The following GYS2 variants were observed in gnomAD, a reference collection of about 807,000 sequenced individuals.
GYS2 encodes the protein glycogen synthase 2.
Under a neutral mutation model 85.6 loss-of-function variants are expected in GYS2, and 80 were observed. The ratio of observed to expected loss-of-function variants is 0.93; its 90% CI spans 0.78 to 1.13. GYS2 has a LOEUF of 1.13. GYS2 is among the 50% of genes most tolerant of loss of function. GYS2 has a pLI of 0.00. For synonymous variants in GYS2, 328 were observed against 300.7 expected, an observed-to-expected ratio of 1.09 and a Z score of -0.94; for missense variants, 881 against 854.9, an observed-to-expected ratio of 1.03 and a Z score of -0.38.
rs762069552 is a variant in GYS2 at position 21,580,448 on chromosome 12, A to G, written c.197T>C (p.Ile66Thr). Residue 66 changes from isoleucine to threonine, a missense_variant, in exon 2 of 16, where the codon ATA (isoleucine) becomes ACA (threonine). Coordinates refer to ENST00000261195, the MANE Select transcript of GYS2 (RefSeq NM_021957.4). ...ADEWGENYFL[I>T]GPYFEHNMKT... ...CATATTATGCTCAAAATATGGACCT[A>G]TCAGAAAATAGTTCTCTCCCCATTC... The G allele has an allele frequency of 1.2e-6, 2 of 1,613,594 alleles. No individual in the cohort carries two copies. Among genetic ancestry groups the G allele is most frequent in the Non-Finnish European group, 1.7e-6 (2 of 1,179,568 alleles).
intron 11 of GYS2, among the ~76,000 whole-genome samples, chr12:21,551,863 G>A (rs1288777021): frequency 6.6e-6 from 1 of 152,138 alleles, no homozygotes; most frequent in African/African-American, 2.4e-5. Flanking sequence ...ACAAGAAAGG[G>A]GGATTTGAAA....
At chr12:21,539,403 T>C in intron 14 of GYS2, 65 bp from the exon 15 acceptor site, 2 of 864,592 alleles carry the variant, frequency 2.3e-6, no homozygotes, top group Non-Finnish European at 4.0e-6. Flanking sequence ...ATCAAGTTAT[T>C]AAATAAGGCC....
chr12:21,583,967 G>A (rs928641124), intron 1 of GYS2, among the ~76,000 whole-genome samples: 1 of 152,194 alleles, frequency 6.6e-6, no homozygotes, highest in Admixed American at 6.5e-5. Flanking sequence ...AGACTGCACC[G>A]ATGGTCTCAT....
At chr12:21,560,531 G>A in intron 7 of GYS2, 39 bp from the exon 8 acceptor site, 1 of 968,974 alleles carries the variant, frequency 1.0e-6, no homozygotes, top group Non-Finnish European at 1.7e-6. Flanking sequence ...AACTATCAAA[G>A]ATTTTTAAAA....
Position 21,568,926 on chromosome 12 carries a change from C to CACGT in GYS2, c.758_761dup (p.Phe255ArgfsTer7). 6.2e-7 allele frequency: 1 copy of CACGT among 1,613,418 alleles called. No homozygotes were observed. Among genetic ancestry groups the CACGT allele is most frequent in the Non-Finnish European group, 8.5e-7 (1 of 1,179,316 alleles). ...CTGTTATTTCAGAAACCGTGGTGAA[C>CACGT]ACGTGAGCGCAATGAACGGAAGCTC... On this transcript the variant is annotated frameshift_variant, in exon 5 of 16. Transcript: ENST00000261195. LOFTEE classifies it high-confidence loss of function.
Position 21,539,287 on chromosome 12 carries a change from A to G in GYS2, c.1861T>C (p.Phe621Leu). Residue 621 changes from phenylalanine to leucine, a missense_variant, in exon 15 of 16, where the codon TTC (phenylalanine) becomes CTC (leucine). Phe to Leu is a conservative substitution (Grantham distance 22). Coordinates refer to ENST00000261195, the MANE Select transcript of GYS2 (RefSeq NM_021957.4). ...LTLSRAFPDK[F>L]HVELTSPPTT... ...GGTGGTGATGTTAGTTCCACATGGA[A>G]TTTATCTGGAAAAGCTCTGCTTAAT... The G allele has an allele frequency of 6.2e-7, 1 of 1,602,290 alleles. No homozygotes were observed.
Position 21,559,104 on chromosome 12 carries a change from ATGGCTCT to A in GYS2, c.1288_1294del (p.Arg430SerfsTer12). 1 of 1,599,520 alleles carries A rather than the reference ATGGCTCT, an allele frequency of 6.3e-7. No individual in the cohort carries two copies. Among genetic ancestry groups the A allele is most frequent in the Middle Eastern group, 1.7e-4 (1 of 5,980 alleles). Reference sequence around the variant, plus strand: ...TTTCCTTATTACCTGAGTTGAAAAGATGGCTCTTTTCATAATTGTTAGATCATCTCGA... The same window carrying A: ...TTTCCTTATTACCTGAGTTGAAAAGATTTCATAATTGTTAGATCATCTCGA... On this transcript the variant is annotated frameshift_variant, in exon 10 of 16. Coordinates refer to ENST00000261195, the MANE Select transcript of GYS2 (RefSeq NM_021957.4). LOFTEE classifies it high-confidence loss of function.
chr12:21,600,097 G>A (rs1221516039), intron 1 of GYS2, among the ~76,000 whole-genome samples: 1 of 152,108 alleles, frequency 6.6e-6, no homozygotes, highest in Non-Finnish European at 1.5e-5. Flanking sequence ...AAGGAATGGA[G>A]CAACAAATTG....
chr12:21,591,456 A>G (rs1944638068), intron 1 of GYS2, among the ~76,000 whole-genome samples: 1 of 114,430 alleles, frequency 8.7e-6, no homozygotes, highest in Non-Finnish European at 2.0e-5. Flanking sequence ...ATAGAAAGGA[A>G]AAAAAAAGAA....
At chr12:21,587,387 C>T (rs914862023) in intron 1 of GYS2, among the ~76,000 whole-genome samples, 1 of 152,172 alleles carries the variant, frequency 6.6e-6, no homozygotes, top group Non-Finnish European at 1.5e-5. Flanking sequence ...CCATAATCCT[C>T]ACGTGTTGTG....
chr12:21,542,009 C>T lies in GYS2; in HGVS notation c.1645+487G>A, dbSNP rs1017613851. On this transcript the variant is annotated intron_variant, in intron 13 of 15. Transcript: ENST00000261195. ...CACTTAAGATAATGACCTCCAGCTG[C>T]GTCCATGTTGCTGCAAAGGACAGAA... 2.0e-5 allele frequency among the ~76,000 whole-genome samples: 3 copies of T among 151,972 alleles called. No individual in the cohort carries two copies. In the East Asian group the frequency reaches 5.8e-4, roughly 29 times the overall value.
At chr12:21,539,389 A>C in intron 14 of GYS2, 51 bp from the exon 15 acceptor site, 27 of 959,394 alleles carry the variant, frequency 2.8e-5, no homozygotes, top group Non-Finnish European at 3.9e-5. Flanking sequence ...TAGATATCTC[A>C]ATAATCAAGT....
At chr12:21,541,931 C>T (rs1943980737) in intron 13 of GYS2, among the ~76,000 whole-genome samples, 1 of 152,146 alleles carries the variant, frequency 6.6e-6, no homozygotes, top group African/African-American at 2.4e-5. Flanking sequence ...ATGTTTAGCT[C>T]CCACTTATAA....
intron 5 of GYS2, among the ~76,000 whole-genome samples, chr12:21,565,813 A>ACGT (rs1555157044): frequency 6.6e-6 from 1 of 150,674 alleles, no homozygotes; most frequent in African/African-American, 2.4e-5. Flanking sequence ...CAAGTAGAAG[A>ACGT]CAATGTTACC....
At chr12:21,573,242 A>G (rs1384410712) in intron 4 of GYS2, among the ~76,000 whole-genome samples, 1 of 152,214 alleles carries the variant, frequency 6.6e-6, no homozygotes, top group Non-Finnish European at 1.5e-5. Flanking sequence ...TTACACACAC[A>G]TACACATTCT....
chr12:21,586,228 G>C (rs1359751650), intron 1 of GYS2, among the ~76,000 whole-genome samples: 1 of 152,080 alleles, frequency 6.6e-6, no homozygotes, highest in Non-Finnish European at 1.5e-5. Flanking sequence ...ATCCTGGACT[G>C]GCTTAGCCTC....
chr12:21,599,087 C>CT (rs397790624), intron 1 of GYS2, among the ~76,000 whole-genome samples: 9 of 149,022 alleles, frequency 6.0e-5, no homozygotes, highest in East Asian at 2.0e-4. Flanking sequence ...CTCTCTCTCT[C>CT]CCCCATCTCT....
At chr12:21,550,811 T>C (rs565797236) in intron 11 of GYS2, among the ~76,000 whole-genome samples, 277 of 152,120 alleles carry the variant, frequency 1.8e-3, no homozygotes, top group Middle Eastern at 3.4e-3. Context: ...TGTGGTGGCA[T>C]GCACCTGTAG....
intron 1 of GYS2, among the ~76,000 whole-genome samples, chr12:21,592,733 G>T (rs1252995843): frequency 1.3e-5 from 2 of 152,010 alleles, no homozygotes; most frequent in Admixed American, 1.3e-4. Flanking sequence ...AGATCATCTA[G>T]ACAGAAAATT....
Sources: gnomAD v4.1 joint callset for allele counts (sites outside exome capture counted in the v4.1 genomes callset) on GRCh38, gnomAD v4.1.1 for gene constraint, MANE v1.5 for transcripts, NCBI Gene and HGNC (gene_info 2026-07-23, HGNC 2026-07-21) for gene names.